Variants in DEPTOR observed in about 807,000 individuals in gnomAD.
DEPTOR encodes the protein DEP domain-containing mTOR-interacting protein.
A neutral mutation model predicts 41.6 loss-of-function variants in DEPTOR; 41 were observed. That is an observed-to-expected ratio of 0.98 (90% confidence interval 0.77 to 1.28). DEPTOR has a LOEUF of 1.28. DEPTOR is among the 50% of genes most tolerant of loss of function. The pLI is 0.00. For missense variants in DEPTOR, 514 were observed against 527.9 expected, an observed-to-expected ratio of 0.97 and a Z score of 0.26; for synonymous variants, 195 against 192.3, an observed-to-expected ratio of 1.01 and a Z score of -0.12.
chr8:119,883,723 TC>T (rs1827329196), intron 1 of DEPTOR, among the ~76,000 whole-genome samples: 1 of 152,126 alleles, frequency 6.6e-6, no homozygotes. Flanking sequence ...GATCCTTGTG[TC>T]CTCCTATCTC....
intron 8 of DEPTOR, among the ~76,000 whole-genome samples, chr8:120,037,964 T>G (rs756872900): frequency 2.6e-5 from 4 of 152,116 alleles, no homozygotes; most frequent in Admixed American, 6.6e-5. Context: ...AAAAGTCAAA[T>G]GCAGTGTTCT....
intron 2 of DEPTOR, 85 bp from the exon 3 acceptor site, chr8:119,929,730 C>A: frequency 6.6e-7 from 1 of 1,503,822 alleles, no homozygotes; most frequent in South Asian, 1.3e-5. Flanking sequence ...TGAAATAATT[C>A]TTAATTAGCA....
chr8:119,989,090 C>T lies in DEPTOR; in HGVS notation c.605-12435C>T, dbSNP rs555761962. ...TGCTAGGATTACATATATGAGCCAT[C>T]GTGCCTGGCTGCCACATTCTTTTGG... On this transcript the variant is annotated intron_variant, in intron 4 of 8. Coordinates refer to ENST00000286234, the MANE Select transcript of DEPTOR (RefSeq NM_022783.4). 5.3e-5 allele frequency among the ~76,000 whole-genome samples: 8 copies of T among 150,678 alleles called. No individual in the cohort carries two copies. In the South Asian group the frequency reaches 8.4e-4, roughly 16 times the overall value.
At chr8:119,965,968 C>T (rs1173104288) in intron 4 of DEPTOR, among the ~76,000 whole-genome samples, 3 of 152,146 alleles carry the variant, frequency 2.0e-5, no homozygotes, top group Non-Finnish European at 4.4e-5. Context: ...CCCTTTGTAT[C>T]TGTGGGTTCT....
At chr8:119,983,136 T>C (rs1449950136) in intron 4 of DEPTOR, among the ~76,000 whole-genome samples, 2 of 152,240 alleles carry the variant, frequency 1.3e-5, no homozygotes, top group African/African-American at 4.8e-5. Context: ...CCGATGTTAA[T>C]GTCTCAGTTT....
chr8:119,953,794 A>C (rs1218179871), intron 3 of DEPTOR, among the ~76,000 whole-genome samples: 2 of 133,540 alleles, frequency 1.5e-5, no homozygotes, highest in African/African-American at 2.8e-5. Flanking sequence ...GATAGGTCAG[A>C]TAGCTTCTTT....
intron 5 of DEPTOR, among the ~76,000 whole-genome samples, chr8:120,001,998 GTGGCACACATCTGTAA>G (rs1312776013): frequency 2.0e-5 from 3 of 152,120 alleles, no homozygotes; most frequent in Non-Finnish European, 4.4e-5. Flanking sequence ...GCCTGGCATG[GTGGCACACATCTGTAA>G]TCTCAGCTAC....
chr8:119,938,943 T>TTC, intron 3 of DEPTOR, among the ~76,000 whole-genome samples: 1 of 89,984 alleles, frequency 1.1e-5, no homozygotes, highest in Non-Finnish European at 2.2e-5. Flanking sequence ...TGTTCCTTCT[T>TTC]GCTCTCTCTC....
chr8:119,959,079 G>A (rs189187723), intron 3 of DEPTOR, among the ~76,000 whole-genome samples: 7 of 151,322 alleles, frequency 4.6e-5, no homozygotes, highest in East Asian at 1.9e-4. Context: ...AATTCATATC[G>A]CTTATACCAA....
At chr8:119,992,010 A>T (rs1040051990) in intron 4 of DEPTOR, among the ~76,000 whole-genome samples, 2 of 152,226 alleles carry the variant, frequency 1.3e-5, no homozygotes, top group Non-Finnish European at 2.9e-5. Context: ...GGGAAACCAC[A>T]GTACTTTTGT....
chr8:120,007,070 T>G (rs1812450833), intron 7 of DEPTOR, among the ~76,000 whole-genome samples, 195 bp downstream of exon 7: 2 of 152,370 alleles, frequency 1.3e-5, no homozygotes, highest in South Asian at 4.1e-4. Context: ...GCGTTATTAT[T>G]AATATACCAT....
chr8:119,973,608 CT>C (rs758500646), intron 4 of DEPTOR, among the ~76,000 whole-genome samples: 7 of 152,128 alleles, frequency 4.6e-5, no homozygotes, highest in Non-Finnish European at 1.0e-4. Flanking sequence ...TTTTAGCAGC[CT>C]TAAATGGAGG....
chr8:119,941,785 T>C (rs1828207523), intron 3 of DEPTOR, among the ~76,000 whole-genome samples: 1 of 152,250 alleles, frequency 6.6e-6, no homozygotes, highest in African/African-American at 2.4e-5. Context: ...AGAGTTTAGC[T>C]AACTTGCCTA....
At chr8:119,966,629 G>A (rs1828565971) in intron 4 of DEPTOR, among the ~76,000 whole-genome samples, 2 of 151,988 alleles carry the variant, frequency 1.3e-5, no homozygotes, top group African/African-American at 2.4e-5. Flanking sequence ...GAATTACAGT[G>A]GGATTACAGG....
intron 3 of DEPTOR, among the ~76,000 whole-genome samples, chr8:119,956,091 G>A (rs1192625143): frequency 1.3e-5 from 2 of 152,088 alleles, no homozygotes; most frequent in Non-Finnish European, 2.9e-5. Context: ...AGCTGCCCAG[G>A]TGAACCCCAG....
chr8:119,939,123 CAA>C (rs560096783), intron 3 of DEPTOR, among the ~76,000 whole-genome samples: 150 of 152,274 alleles, frequency 9.9e-4, no homozygotes, highest in African/African-American at 3.5e-3. Flanking sequence ...TAAATTTCAA[CAA>C]AAAGTTTATA....
chr8:120,017,361 C>G (rs1286044368), intron 8 of DEPTOR, among the ~76,000 whole-genome samples: 1 of 152,178 alleles, frequency 6.6e-6, no homozygotes, highest in Non-Finnish European at 1.5e-5. Context: ...TTATCTCCCC[C>G]AACACCCACA....
chr8:119,988,869 T>G (rs1260946088), intron 4 of DEPTOR, among the ~76,000 whole-genome samples: 1 of 151,824 alleles, frequency 6.6e-6, no homozygotes, highest in Admixed American at 6.6e-5. Flanking sequence ...AGTTAAGTAA[T>G]TAAGTAAATC....
chr8:119,927,294 C>T (rs1827975731), intron 1 of DEPTOR, among the ~76,000 whole-genome samples: 1 of 152,024 alleles, frequency 6.6e-6, no homozygotes. Context: ...TGTATTGGGA[C>T]AATATTGGTA....
Sources: allele counts gnomAD v4.1 joint callset (sites outside exome capture counted in the v4.1 genomes callset), GRCh38; gene constraint gnomAD v4.1.1; transcripts MANE v1.5; gene names NCBI Gene and HGNC (gene_info 2026-07-23, HGNC 2026-07-21).